RPTOR: variants seen among roughly 807,000 people sequenced by gnomAD.
RPTOR encodes regulatory associated protein of MTOR complex 1.
A neutral mutation model predicts 169.9 loss-of-function variants in RPTOR; 21 were observed. That is an observed-to-expected ratio of 0.12 (90% CI 0.09 to 0.18). RPTOR has a LOEUF of 0.18. Ranked by LOEUF, RPTOR falls within the 10% of genes least tolerant of loss-of-function variation. RPTOR has a pLI of 1.00. For missense variants in RPTOR, 1,133 were observed against 1,855.9 expected, an observed-to-expected ratio of 0.61 and a Z score of 7.16; for synonymous variants, 732 against 753.2, an observed-to-expected ratio of 0.97 and a Z score of 0.46.
chr17:80,637,823 C>T (rs2065519760), intron 2 of RPTOR, among the ~76,000 whole-genome samples: 1 of 152,230 alleles, frequency 6.6e-6, no homozygotes, highest in Non-Finnish European at 1.5e-5. Context: ...TTAATGCAAA[C>T]ACGTGAGCAT....
intron 2 of RPTOR, among the ~76,000 whole-genome samples, chr17:80,628,951 G>A (rs1210138083): frequency 6.6e-6 from 1 of 151,786 alleles, no homozygotes; most frequent in East Asian, 1.9e-4. Context: ...GCTCTTCCAT[G>A]TGTCTCTCTC....
chr17:80,856,310 A>T (rs561041277), intron 12 of RPTOR, among the ~76,000 whole-genome samples: 2 of 152,162 alleles, frequency 1.3e-5, no homozygotes, highest in Non-Finnish European at 2.9e-5. Context: ...AAAGAGACCT[A>T]ATTTTTTAGA....
Position 80,627,801 on chromosome 17 carries a change from G to T in RPTOR, c.265+2008G>T, listed in dbSNP as rs369812146. ...TTTTCTCTGGTTAATATTTAGGACTGTGATTATTAGCTCATATGTTAAGCG... is the reference window on the plus strand; with the variant it reads ...TTTTCTCTGGTTAATATTTAGGACTTTGATTATTAGCTCATATGTTAAGCG... On this transcript the variant is annotated intron_variant, in intron 2 of 33. Coordinates refer to ENST00000306801, the MANE Select transcript of RPTOR (RefSeq NM_020761.3). 2.4e-3 allele frequency among the ~76,000 whole-genome samples: 359 copies of T among 151,388 alleles called. 1 individual carries two copies. Among genetic ancestry groups the T allele is most frequent in the African/African-American group, 8.5e-3 (349 of 41,222 alleles).
chr17:80,588,738 T>C (rs1013492266), intron 1 of RPTOR, among the ~76,000 whole-genome samples: 1 of 152,212 alleles, frequency 6.6e-6, no homozygotes, highest in African/African-American at 2.4e-5. Context: ...ATTTTTGCCC[T>C]TTTCCTGTTG....
At position 80,546,991 on chromosome 17, in the gene RPTOR, C is replaced by T. The variant is rs183468761; in HGVS notation, c.162+1200C>T. On this transcript the variant is annotated intron_variant, in intron 1 of 33. Transcript: ENST00000306801. ...AGCTGAGGCTGGAGAATCGCTTGAA[C>T]CTGGGAGGCAGAGGTTGCAGTGAGC... Among the ~76,000 whole-genome samples the T allele has an allele frequency of 6.6e-5, 10 of 152,282 alleles. No individual in the cohort carries two copies. In the East Asian group the frequency reaches 1.9e-3, roughly 29 times the overall value.
intron 13 of RPTOR, among the ~76,000 whole-genome samples, chr17:80,873,601 G>C (rs1336652512): frequency 6.6e-6 from 1 of 152,176 alleles, no homozygotes; most frequent in African/African-American, 2.4e-5. Context: ...CGGGGACAGG[G>C]CCCCAGGCGG....
At chr17:80,551,799 C>T (rs938636749) in intron 1 of RPTOR, among the ~76,000 whole-genome samples, 4 of 152,094 alleles carry the variant, frequency 2.6e-5, no homozygotes, top group Non-Finnish European at 4.4e-5. Context: ...TCCCTTCCCA[C>T]GAGGCCATAT....
intron 21 of RPTOR, among the ~76,000 whole-genome samples, chr17:80,913,588 G>A (rs1300644353): frequency 6.6e-6 from 1 of 152,082 alleles, no homozygotes; most frequent in Non-Finnish European, 1.5e-5. Context: ...AAGTAGCTGG[G>A]ACTACAGGGG....
At chr17:80,883,698 C>T in intron 15 of RPTOR, 83 bp from the exon 16 acceptor site, 1 of 1,448,336 alleles carries the variant, frequency 6.9e-7, no homozygotes, top group Non-Finnish European at 9.6e-7. Flanking sequence ...GAATGGGTGG[C>T]CACCGTTGTC....
intron 3 of RPTOR, among the ~76,000 whole-genome samples, chr17:80,653,124 T>G (rs1307022424): frequency 6.6e-6 from 1 of 152,214 alleles, no homozygotes; most frequent in Non-Finnish European, 1.5e-5. Flanking sequence ...ATGGAGACTT[T>G]TAAGTTGAAT....
At chr17:80,865,339 A>G (rs2067974355) in intron 13 of RPTOR, among the ~76,000 whole-genome samples, 1 of 152,226 alleles carries the variant, frequency 6.6e-6, no homozygotes, top group Non-Finnish European at 1.5e-5. Flanking sequence ...ACTGAACGCC[A>G]CAATGAGAAG....
chr17:80,816,274 C>G (rs1177899887), intron 7 of RPTOR, among the ~76,000 whole-genome samples: 14 of 152,200 alleles, frequency 9.2e-5, no homozygotes, highest in Admixed American at 9.2e-4. Context: ...GGCCTGGCTG[C>G]AGGGTGCCGC....
chr17:80,843,535 C>A (rs1327505172), intron 10 of RPTOR, among the ~76,000 whole-genome samples: 1 of 151,612 alleles, frequency 6.6e-6, no homozygotes, highest in African/African-American at 2.4e-5. Flanking sequence ...GAGAACCCTT[C>A]TGCAAACTGA....
chr17:80,834,393 C>A (rs535710957), intron 9 of RPTOR, among the ~76,000 whole-genome samples: 1 of 152,208 alleles, frequency 6.6e-6, no homozygotes, highest in Non-Finnish European at 1.5e-5. Context: ...CGGACGGCCC[C>A]GAGCAGCCTC....
chr17:80,560,360 C>G (rs1324384115), intron 1 of RPTOR, among the ~76,000 whole-genome samples: 1 of 152,200 alleles, frequency 6.6e-6, no homozygotes, highest in Non-Finnish European at 1.5e-5. Flanking sequence ...CATTCAGCTA[C>G]TATCATCGAG....
chr17:80,948,316 C>T (rs2069127721), intron 27 of RPTOR, among the ~76,000 whole-genome samples: 1 of 152,254 alleles, frequency 6.6e-6, no homozygotes, highest in African/African-American at 2.4e-5. Context: ...CGTGCAGCCC[C>T]TCCTCCGAGC....
At chr17:80,773,773 CGT>C (rs1424111065) in intron 6 of RPTOR, 1 of 985,198 alleles carries the variant, frequency 1.0e-6, no homozygotes, top group African/African-American at 1.7e-5. Context: ...TTGCTGGGGA[CGT>C]GTAGTCACTG....
At chr17:80,893,940 TG>T in intron 20 of RPTOR, 75 bp downstream of exon 20, 1 of 1,376,898 alleles carries the variant, frequency 7.3e-7, no homozygotes, top group Non-Finnish European at 9.7e-7. Context: ...CACAGACCTG[TG>T]TCTGCATCAG....
intron 2 of RPTOR, 23 bp downstream of exon 2, chr17:80,625,816 C>CTGGCCTT: frequency 1.3e-6 from 2 of 1,550,726 alleles, no homozygotes; most frequent in Non-Finnish European, 1.8e-6. Context: ...CCCTCACGCG[C>CTGGCCTT]TGCCACAAAG....
Sources: allele counts gnomAD v4.1 joint callset (sites outside exome capture counted in the v4.1 genomes callset), GRCh38; gene constraint gnomAD v4.1.1; transcripts MANE v1.5; gene names NCBI Gene and HGNC (gene_info 2026-07-23, HGNC 2026-07-21).